The following MNAT1 variants were observed in gnomAD, a reference collection of about 807,000 sequenced individuals.
The protein encoded by MNAT1 is MNAT1 component of CDK activating kinase, also known as CDK-activating kinase assembly factor MAT1.
Under a neutral mutation model 42.0 loss-of-function variants are expected in MNAT1, and 43 were observed. The ratio of observed to expected loss-of-function variants is 1.02; its 90% CI spans 0.80 to 1.32. The LOEUF (loss-of-function observed/expected upper bound fraction) is 1.32. MNAT1 is among the 40% of genes most tolerant of loss of function. The probability of loss-of-function intolerance (pLI) is 0.00; values close to 1 mark genes in which losing one functional copy is unlikely to be tolerated. For missense variants in MNAT1, 306 were observed against 350.4 expected (o/e 0.87, Z 1.01); for synonymous variants, 118 against 120.0 (o/e 0.98, Z 0.11).
chr14:60,936,241 T>TA (rs2035992747), intron 7 of MNAT1, among the ~76,000 whole-genome samples: 1 of 152,194 alleles, frequency 6.6e-6, no homozygotes, highest in Admixed American at 6.5e-5. Flanking sequence ...GCATTTTTTT[T>TA]ATTATACTTT....
intron 6 of MNAT1, among the ~76,000 whole-genome samples, chr14:60,824,020 G>A (rs979598356): frequency 1.3e-5 from 2 of 151,788 alleles, no homozygotes; most frequent in African/African-American, 2.4e-5. Context: ...AGCTGGGCAC[G>A]GTGGCAGGAA....
chr14:60,852,360 C>T (rs2033846028), intron 6 of MNAT1, among the ~76,000 whole-genome samples: 1 of 151,972 alleles, frequency 6.6e-6, no homozygotes, highest in Non-Finnish European at 1.5e-5. Context: ...TATCCTTTGC[C>T]CACTTTTTGA....
intron 7 of MNAT1, among the ~76,000 whole-genome samples, chr14:60,898,234 A>G (rs2035003122): frequency 6.6e-6 from 1 of 151,972 alleles, no homozygotes; most frequent in Non-Finnish European, 1.5e-5. Context: ...TGTGATGAAC[A>G]TGTAAGTGCA....
At chr14:60,768,289 C>T (rs1178619246) in intron 1 of MNAT1, among the ~76,000 whole-genome samples, 3 of 152,104 alleles carry the variant, frequency 2.0e-5, no homozygotes, top group African/African-American at 7.2e-5. Flanking sequence ...TTAAGAGCTC[C>T]GGAATGTGTC....
At chr14:60,863,906 C>G (rs1437473199) in intron 6 of MNAT1, among the ~76,000 whole-genome samples, 2 of 152,020 alleles carry the variant, frequency 1.3e-5, no homozygotes, top group African/African-American at 4.8e-5. Flanking sequence ...TTCTGCATTG[C>G]CAGGAATTAC....
intron 7 of MNAT1, among the ~76,000 whole-genome samples, chr14:60,930,039 G>A (rs2035853905): frequency 2.0e-5 from 3 of 151,890 alleles, no homozygotes; most frequent in Admixed American, 2.0e-4. Flanking sequence ...CTTTGGTAAA[G>A]TAAAACTGGC....
At chr14:60,823,598 C>T (rs1364467494) in intron 6 of MNAT1, among the ~76,000 whole-genome samples, 2 of 152,184 alleles carry the variant, frequency 1.3e-5, no homozygotes, top group African/African-American at 4.8e-5. Context: ...GTGGCTCACG[C>T]CTATAATCCC....
intron 1 of MNAT1, among the ~76,000 whole-genome samples, chr14:60,768,196 T>A (rs529189737): frequency 6.6e-6 from 1 of 152,308 alleles, no homozygotes; most frequent in East Asian, 1.9e-4. Context: ...CCACCGCGCC[T>A]GGCCCAGTTT....
intron 5 of MNAT1, among the ~76,000 whole-genome samples, chr14:60,817,467 A>G (rs144947972): frequency 1.2e-4 from 18 of 151,972 alleles, no homozygotes; most frequent in African/African-American, 4.1e-4. Context: ...TCCATTTACT[A>G]TTAAAAGTTT....
chr14:60,905,541 G>T (rs778570918), intron 7 of MNAT1, among the ~76,000 whole-genome samples: 6 of 152,104 alleles, frequency 3.9e-5, no homozygotes, highest in Non-Finnish European at 8.8e-5. Flanking sequence ...GGAGAACCAG[G>T]GAAGTTCATA....
Position 60,798,176 on chromosome 14 carries a change from G to T in MNAT1, c.316+16G>T. The T allele has an allele frequency of 1.5e-6, 2 of 1,329,536 alleles. No individual in the cohort carries two copies. The highest frequency in any genetic ancestry group is 1.2e-5 in the South Asian group (1 of 84,374). 82.4% of individuals were successfully genotyped at this position (1,329,536 alleles called of 1,614,324 possible). A position where few individuals can be genotyped will look rare whatever the true frequency, so the allele number is the denominator to read the frequency against. ...GAAGAAATTGGTACGTTTTTAATTT[G>T]ATGTATGCTAGCCTATAAGACCATG... On this transcript the variant is annotated intron_variant, in intron 3 of 7. Transcript: ENST00000261245.
At chr14:60,962,045 C>A (rs2036603172) in intron 7 of MNAT1, among the ~76,000 whole-genome samples, 1 of 152,230 alleles carries the variant, frequency 6.6e-6, no homozygotes, top group Middle Eastern at 3.4e-3. Context: ...AATCTAGGCT[C>A]ATATTACTTG....
At chr14:60,746,989 T>A (rs1896653614) in intron 1 of MNAT1, among the ~76,000 whole-genome samples, 1 of 108,082 alleles carries the variant, frequency 9.3e-6, no homozygotes, top group Non-Finnish European at 1.9e-5. Flanking sequence ...AAATTATGTC[T>A]TTTTTTTTTT....
chr14:60,776,135 T>A (rs2031240953), intron 1 of MNAT1, among the ~76,000 whole-genome samples: 2 of 152,120 alleles, frequency 1.3e-5, no homozygotes, highest in Admixed American at 1.3e-4. Context: ...AAGGATTGGT[T>A]TTAATTCTAG....
At chr14:60,816,324 T>TG (rs2032713637) in intron 5 of MNAT1, among the ~76,000 whole-genome samples, 1 of 14,996 alleles carries the variant, frequency 6.7e-5, no homozygotes, top group East Asian at 7.1e-4. Flanking sequence ...AATTCAATTT[T>TG]AAAAAAGTTT....
intron 1 of MNAT1, among the ~76,000 whole-genome samples, chr14:60,756,656 T>C (rs2030367145): frequency 6.6e-6 from 1 of 152,202 alleles, no homozygotes; most frequent in African/African-American, 2.4e-5. Context: ...TTAGTGTTAC[T>C]GGGAAGATAC....
At chr14:60,909,689 G>A (rs1173166985) in intron 7 of MNAT1, among the ~76,000 whole-genome samples, 1 of 152,148 alleles carries the variant, frequency 6.6e-6, no homozygotes, top group African/African-American at 2.4e-5. Context: ...CTATATGTCT[G>A]TTTTGGTACC....
intron 7 of MNAT1, among the ~76,000 whole-genome samples, chr14:60,957,994 C>T (rs553385588): frequency 2.6e-5 from 4 of 152,200 alleles, no homozygotes; most frequent in East Asian, 1.9e-4. Context: ...TGCACCACCA[C>T]ACCCAGCTAA....
chr14:60,936,499 G>C (rs2036000567), intron 7 of MNAT1, among the ~76,000 whole-genome samples: 1 of 150,992 alleles, frequency 6.6e-6, no homozygotes, highest in Admixed American at 6.6e-5. Flanking sequence ...CCTTGCGATA[G>C]TTTGCTGAGA....
Sources: gnomAD v4.1 joint callset for allele counts (sites outside exome capture counted in the v4.1 genomes callset) on GRCh38, gnomAD v4.1.1 for gene constraint, MANE v1.5 for transcripts, NCBI Gene and HGNC (gene_info 2026-07-23, HGNC 2026-07-21) for gene names.